VWA8: variants seen among roughly 807,000 people sequenced by gnomAD.
VWA8 encodes the protein von Willebrand factor A domain containing 8.
A neutral mutation model predicts 241.5 loss-of-function variants in VWA8; 221 were observed. That is an observed-to-expected ratio of 0.91 (90% CI 0.82 to 1.02). VWA8 has a LOEUF of 1.02. VWA8 is among the 50% of genes least tolerant of loss of function. The probability of loss-of-function intolerance (pLI) is 0.00; values close to 1 mark genes in which losing one functional copy is unlikely to be tolerated. For missense variants in VWA8, 2,322 were observed against 2,328.7 expected, an observed-to-expected ratio of 1.00 and a Z score of 0.06; for synonymous variants, 852 against 827.1, an observed-to-expected ratio of 1.03 and a Z score of -0.52.
At chr13:41,721,979 A>T (rs899603624) in intron 24 of VWA8, among the ~76,000 whole-genome samples, 2 of 152,200 alleles carry the variant, frequency 1.3e-5, no homozygotes, top group Non-Finnish European at 2.9e-5. Context: ...CATACATGCA[A>T]ACAGAGTTTA....
intron 23 of VWA8, among the ~76,000 whole-genome samples, chr13:41,728,916 C>A (rs1162599965): frequency 5.9e-5 from 9 of 151,988 alleles, no homozygotes; most frequent in Admixed American, 5.9e-4. Context: ...ATTTTCAAGT[C>A]CTTTCAGGAC....
intron 2 of VWA8, among the ~76,000 whole-genome samples, chr13:41,938,218 T>C (rs1877438882): frequency 6.6e-6 from 1 of 151,270 alleles, no homozygotes. Flanking sequence ...TTCTTGAATA[T>C]GGTGCCTGGG....
chr13:41,675,396 G>A (rs1566410934), intron 35 of VWA8, 100 bp from the exon 36 acceptor site: 6 of 770,814 alleles, frequency 7.8e-6, no homozygotes, highest in Admixed American at 2.4e-5. Context: ...AGGGTAGAAC[G>A]CTGGGATCTA....
intron 26 of VWA8, among the ~76,000 whole-genome samples, chr13:41,708,557 G>A (rs760163721): frequency 1.3e-5 from 2 of 152,022 alleles, no homozygotes; most frequent in Non-Finnish European, 2.9e-5. Flanking sequence ...AATTAATTTG[G>A]CTTTGCTGCA....
At chr13:41,904,649 T>G (rs1340189906) in intron 4 of VWA8, among the ~76,000 whole-genome samples, 1 of 152,168 alleles carries the variant, frequency 6.6e-6, no homozygotes, top group Non-Finnish European at 1.5e-5. Flanking sequence ...AATTTTAAAT[T>G]TTATTATTTG....
intron 1 of VWA8, among the ~76,000 whole-genome samples, chr13:41,953,008 C>T (rs922430665): frequency 2.6e-5 from 4 of 151,930 alleles, no homozygotes; most frequent in African/African-American, 7.3e-5. Context: ...ACACAGCAAA[C>T]CCATAATGGT....
intron 1 of VWA8, among the ~76,000 whole-genome samples, chr13:41,951,755 T>C (rs951302406): frequency 6.6e-6 from 1 of 152,208 alleles, no homozygotes; most frequent in Admixed American, 6.5e-5. Flanking sequence ...CTAATAACAA[T>C]AGCCAACATT....
At chr13:41,645,581 T>C (rs2044826057) in intron 37 of VWA8, among the ~76,000 whole-genome samples, 1 of 152,198 alleles carries the variant, frequency 6.6e-6, no homozygotes. Context: ...TGATTACTTC[T>C]GAACTCCTGA....
intron 21 of VWA8, among the ~76,000 whole-genome samples, chr13:41,758,189 C>A (rs1357163662): frequency 6.6e-6 from 1 of 150,732 alleles, no homozygotes; most frequent in Non-Finnish European, 1.5e-5. Context: ...TTTCAAACAG[C>A]CATCAGCAAG....
rs1200518865 is a variant in VWA8, at chr13:41,628,028, T to G, written c.4612-12944A>C. On this transcript the variant is annotated intron_variant, in intron 37 of 44. Transcript: ENST00000379310. The stretch of plus-strand genomic sequence containing the variant: ...CACCGAGTAAATGACTTTGTAACTT[T>G]TCTTCATCCACTTGATTTACATAGG... 4.1e-3 allele frequency among the ~76,000 whole-genome samples: 630 copies of G among 152,272 alleles called. 2 individuals are homozygous for G. Among genetic ancestry groups the G allele is most frequent in the Non-Finnish European group, 5.9e-3 (401 of 68,024 alleles).
chr13:41,699,374 T>C (rs997184376), intron 28 of VWA8, 104 bp from the exon 29 acceptor site: 10 of 1,087,780 alleles, frequency 9.2e-6, no homozygotes, highest in Admixed American at 1.9e-5. Flanking sequence ...TGGAACAGAG[T>C]TGGAACTCAG....
intron 12 of VWA8, among the ~76,000 whole-genome samples, chr13:41,864,141 TAA>T (rs1173896404): frequency 5.3e-4 from 60 of 114,274 alleles, no homozygotes; most frequent in Non-Finnish European, 6.1e-4. Flanking sequence ...ATGATGATTA[TAA>T]AAAAAAAAAA....
At chr13:41,656,119 A>G (rs1477056473) in intron 37 of VWA8, among the ~76,000 whole-genome samples, 1 of 152,230 alleles carries the variant, frequency 6.6e-6, no homozygotes, top group Non-Finnish European at 1.5e-5. Flanking sequence ...AGCAGACTGG[A>G]ACACATGAAC....
At chr13:41,819,926 G>A (rs1442019516) in intron 14 of VWA8, among the ~76,000 whole-genome samples, 2 of 152,142 alleles carry the variant, frequency 1.3e-5, no homozygotes, top group Non-Finnish European at 2.9e-5. Flanking sequence ...TAAAAAGGCA[G>A]AGAAAATAAA....
intron 2 of VWA8, among the ~76,000 whole-genome samples, chr13:41,914,969 T>C (rs1013862775): frequency 1.2e-4 from 19 of 152,226 alleles, no homozygotes; most frequent in Admixed American, 9.2e-4. Flanking sequence ...CTTGGAACCA[T>C]AATCATTTTC....
intron 12 of VWA8, among the ~76,000 whole-genome samples, chr13:41,835,099 G>T (rs1871659981): frequency 6.6e-6 from 1 of 152,148 alleles, no homozygotes; most frequent in East Asian, 1.9e-4. Context: ...GAGGAGGGAG[G>T]AGGGATAGCA....
chr13:41,671,274 T>C, intron 36 of VWA8, 127 bp from the exon 37 acceptor site: 1 of 1,020,592 alleles, frequency 9.8e-7, no homozygotes, highest in Non-Finnish European at 1.4e-6. Flanking sequence ...TTATACCTGC[T>C]CTTACCTCTG....
At chr13:41,958,803 A>ATAGTATGT (rs1213272827) in intron 1 of VWA8, among the ~76,000 whole-genome samples, 1 of 152,238 alleles carries the variant, frequency 6.6e-6, no homozygotes, top group Non-Finnish European at 1.5e-5. Context: ...TTTAAAGAAG[A>ATAGTATGT]TAGTATGTTC....
intron 39 of VWA8, among the ~76,000 whole-genome samples, chr13:41,609,227 G>C (rs2044571805): frequency 6.6e-6 from 1 of 152,048 alleles, no homozygotes; most frequent in Non-Finnish European, 1.5e-5. Flanking sequence ...AGAGTGATAA[G>C]AGTTGTGGAG....
Sources: allele counts gnomAD v4.1 joint callset (sites outside exome capture counted in the v4.1 genomes callset), GRCh38; gene constraint gnomAD v4.1.1; transcripts MANE v1.5; gene names NCBI Gene and HGNC (gene_info 2026-07-23, HGNC 2026-07-21).